BCAS3: variants seen among roughly 807,000 people sequenced by gnomAD.
BCAS3 encodes the protein BCAS4/BCAS3 fusion.
BCAS3 carries 53 observed loss-of-function variants against 116.1 expected under a neutral mutation model. The ratio of observed to expected loss-of-function variants is 0.46; its 90% confidence interval spans 0.37 to 0.57. BCAS3 has a LOEUF of 0.57. BCAS3 is among the 20% of genes least tolerant of loss of function. The pLI is 0.00. For missense variants in BCAS3, 917 were observed against 1,165.4 expected, an observed-to-expected ratio of 0.79 and a Z score of 3.10; for synonymous variants, 391 against 408.2, an observed-to-expected ratio of 0.96 and a Z score of 0.51.
At chr17:60,682,139 A>G (rs1460453920) in intron 2 of BCAS3, among the ~76,000 whole-genome samples, 1 of 152,208 alleles carries the variant, frequency 6.6e-6, no homozygotes, top group Non-Finnish European at 1.5e-5. Flanking sequence ...CGTGTACTAC[A>G]ATGGAGAGTG....
At position 61,376,999 on chromosome 17, in the gene BCAS3, C is replaced by T. The variant is rs1463169783; in HGVS notation, c.2593+8505C>T. Among the ~76,000 whole-genome samples the T allele has an allele frequency of 6.6e-6, 1 of 152,186 alleles. No homozygotes were observed. Among genetic ancestry groups the T allele is most frequent in the Non-Finnish European group, 1.5e-5 (1 of 68,038 alleles). On this transcript the variant is annotated intron_variant, in intron 23 of 23. Transcript: ENST00000407086. This position sits in a 1 kb window ranked among gnomAD's most constrained non-coding sequence, Gnocchi z 4.5. ...ATAAGAGAGACAAGTTTCCTACCCTCAAAGAGATTAAAGCCCCAGAGGAGG... is the reference window on the plus strand; with the variant it reads ...ATAAGAGAGACAAGTTTCCTACCCTTAAAGAGATTAAAGCCCCAGAGGAGG...
intron 22 of BCAS3, among the ~76,000 whole-genome samples, chr17:61,102,999 G>A (rs1219553845): frequency 2.0e-5 from 3 of 152,130 alleles, no homozygotes; most frequent in Admixed American, 2.0e-4. Flanking sequence ...AGACTGAAAT[G>A]TTGTAGATTC....
chr17:60,778,637 C>T (rs1236378697), intron 6 of BCAS3, among the ~76,000 whole-genome samples: 2 of 152,110 alleles, frequency 1.3e-5, no homozygotes, highest in Non-Finnish European at 2.9e-5. Context: ...GTTTGTGTTA[C>T]TCAGCAAGAC....
Position 61,368,230 on chromosome 17 carries a change from G to A in BCAS3, c.2426-97G>A, listed in dbSNP as rs2058844364. 1 of 1,338,808 alleles carries A rather than the reference G, an allele frequency of 7.5e-7. No individual in the cohort carries two copies. Among genetic ancestry groups the A allele is most frequent in the Non-Finnish European group, 1.0e-6 (1 of 979,716 alleles). The allele number at this position is 1,338,808 out of a possible 1,614,324, so 82.9% of individuals were successfully genotyped here. ...TCCATCCTACAGGAAGGCTACAATG[G>A]ACCCTGGGTATGGAGAGGAGCGGGT... On this transcript the variant is annotated intron_variant, in intron 22 of 23. Coordinates refer to ENST00000407086, the MANE Select transcript of BCAS3 (RefSeq NM_017679.5). This position sits in a 1 kb window ranked among gnomAD's most constrained non-coding sequence, Gnocchi z 6.0.
intron 22 of BCAS3, among the ~76,000 whole-genome samples, chr17:61,263,218 C>T (rs2049381246): frequency 6.6e-6 from 1 of 152,170 alleles, no homozygotes; most frequent in Non-Finnish European, 1.5e-5. Context: ...GTGAGGCACC[C>T]TAAGCTAGCA....
intron 22 of BCAS3, among the ~76,000 whole-genome samples, chr17:61,253,296 T>A (rs1160295970): frequency 1.3e-5 from 2 of 150,248 alleles, no homozygotes; most frequent in Non-Finnish European, 3.0e-5. Context: ...CTCACGCCTG[T>A]AATCCCAACA....
intron 23 of BCAS3, chr17:61,383,291 A>C (rs2059690114): frequency 6.6e-6 from 1 of 152,292 alleles, no homozygotes; most frequent in African/African-American, 2.4e-5. Context: ...GTAACCCTCA[A>C]GCACTTCCTA....
intron 22 of BCAS3, among the ~76,000 whole-genome samples, chr17:61,353,075 G>C (rs2057945879): frequency 6.6e-6 from 1 of 152,180 alleles, no homozygotes; most frequent in South Asian, 2.1e-4. Context: ...GACATCAGTT[G>C]AATGTCTGCT....
intron 3 of BCAS3, among the ~76,000 whole-genome samples, chr17:60,687,725 AGG>A (rs2034271234): frequency 6.6e-6 from 1 of 152,160 alleles, no homozygotes; most frequent in South Asian, 2.1e-4. Context: ...GCATGGGAAA[AGG>A]AGATCATAAG....
rs1319017620 is a variant in BCAS3, at chr17:61,243,443, A to G, written c.2426-124884A>G. Among the ~76,000 whole-genome samples, 1 of 151,872 alleles carries G rather than the reference A, an allele frequency of 6.6e-6. No homozygotes were observed. Among genetic ancestry groups the G allele is most frequent in the African/African-American group, 2.4e-5 (1 of 41,330 alleles). ...TAATGCTACAGTGAACGTTCCATAC[A>G]GTGAAGTGGAGATACCTCTTCGAGA... On this transcript the variant is annotated intron_variant, in intron 22 of 23. Coordinates refer to ENST00000407086, the MANE Select transcript of BCAS3 (RefSeq NM_017679.5). The surrounding 1 kb of genome is among the most constrained non-coding windows in gnomAD (Gnocchi z 5.6).
Position 61,098,892 on chromosome 17 carries a change from G to A in BCAS3, c.2425+14328G>A, listed in dbSNP as rs561591200. On this transcript the variant is annotated intron_variant, in intron 22 of 23. Coordinates refer to ENST00000407086, the MANE Select transcript of BCAS3 (RefSeq NM_017679.5). This position sits in a 1 kb window ranked among gnomAD's most constrained non-coding sequence, Gnocchi z 4.2. ...TGTAATACCAGCACTTTGGGAGGCC[G>A]AGGCAGGTGATCACCAGGTCAGGAG... 3.3e-5 allele frequency among the ~76,000 whole-genome samples: 5 copies of A among 152,104 alleles called. No individual in the cohort carries two copies. Among genetic ancestry groups the A allele is most frequent in the Non-Finnish European group, 5.9e-5 (4 of 68,020 alleles).
intron 12 of BCAS3, among the ~76,000 whole-genome samples, chr17:60,914,646 A>G (rs888468192): frequency 5.3e-5 from 8 of 152,194 alleles, no homozygotes; most frequent in African/African-American, 1.9e-4. Context: ...TGTCACTACC[A>G]GCCCTTAGAC....
intron 6 of BCAS3, among the ~76,000 whole-genome samples, chr17:60,760,640 A>G (rs2043437823): frequency 7.8e-6 from 1 of 128,160 alleles, no homozygotes; most frequent in Non-Finnish European, 1.5e-5. Flanking sequence ...ACACCTTAAT[A>G]TTTTCTCTTT....
intron 22 of BCAS3, among the ~76,000 whole-genome samples, chr17:61,338,905 A>G (rs1408721164): frequency 7.1e-6 from 1 of 140,054 alleles, no homozygotes; most frequent in African/African-American, 2.7e-5. Flanking sequence ...AAAAAAAAAA[A>G]AAAAAAAAAA....
intron 22 of BCAS3, among the ~76,000 whole-genome samples, chr17:61,299,463 A>G (rs1053510556): frequency 1.9e-4 from 28 of 144,390 alleles, no homozygotes; most frequent in Non-Finnish European, 2.9e-4. Flanking sequence ...AAAAAAAAAA[A>G]AAAGAAAAGA....
chr17:60,859,240 C>T (rs985257377), intron 7 of BCAS3, among the ~76,000 whole-genome samples: 9 of 152,012 alleles, frequency 5.9e-5, no homozygotes, highest in South Asian at 2.1e-4. Context: ...AGGTTTGTTA[C>T]ATCAGTAAAT....
chr17:60,755,497 A>G (rs2144315492), intron 6 of BCAS3, among the ~76,000 whole-genome samples: 1 of 152,302 alleles, frequency 6.6e-6, no homozygotes, highest in East Asian at 1.9e-4. Context: ...TATAAAAAAG[A>G]AGTACTTCAA....
chr17:61,312,734 G>A (rs2054413552), intron 22 of BCAS3, among the ~76,000 whole-genome samples: 1 of 152,096 alleles, frequency 6.6e-6, no homozygotes, highest in African/African-American at 2.4e-5. Context: ...GGAAGCCATC[G>A]GTATTTCTGC....
At position 61,332,621 on chromosome 17, in the gene BCAS3, T is replaced by A. The variant is rs2056383057; in HGVS notation, c.2426-35706T>A. ...TTATCCCCATCTTTTATTATTATTT[T>A]TTTTTATTTTTTGAGATAGAGTCTT... On this transcript the variant is annotated intron_variant, in intron 22 of 23. Coordinates refer to ENST00000407086, the MANE Select transcript of BCAS3 (RefSeq NM_017679.5). The surrounding 1 kb of genome is among the most constrained non-coding windows in gnomAD (Gnocchi z 5.4). Among the ~76,000 whole-genome samples, 1 of 152,180 alleles carries A rather than the reference T, an allele frequency of 6.6e-6. No individual in the cohort carries two copies.
Sources: allele counts gnomAD v4.1 joint callset (sites outside exome capture counted in the v4.1 genomes callset), GRCh38; gene constraint gnomAD v4.1.1; non-coding constraint Gnocchi (gnomAD v3.1); transcripts MANE v1.5; gene names NCBI Gene and HGNC (gene_info 2026-07-23, HGNC 2026-07-21).